DOP1B: variants seen among roughly 807,000 people sequenced by gnomAD.
DOP1B encodes the protein DOP1 leucine zipper like protein B.
A neutral mutation model predicts 233.5 loss-of-function variants in DOP1B; 174 were observed. That is an observed-to-expected ratio of 0.75 (90% CI 0.66 to 0.85). The LOEUF (loss-of-function observed/expected upper bound fraction) is 0.85, where lower values mean the gene tolerates loss of function less well. Ranked by LOEUF, DOP1B falls within the 40% of genes least tolerant of loss-of-function variation. DOP1B has a pLI of 0.00. For missense variants in DOP1B, 2,652 were observed against 2,846.6 expected (o/e 0.93, Z 1.56); for synonymous variants, 1,190 against 1,185.6 (o/e 1.00, Z -0.08).
intron 26 of DOP1B, among the ~76,000 whole-genome samples, chr21:36,266,476 C>T (rs1243791992): frequency 6.6e-6 from 1 of 152,104 alleles, no homozygotes; most frequent in Non-Finnish European, 1.5e-5. Flanking sequence ...ACCCGGCTGA[C>T]CAGTTTATTA....
intron 2 of DOP1B, among the ~76,000 whole-genome samples, chr21:36,180,660 C>T (rs566847887): frequency 1.3e-5 from 2 of 152,176 alleles, no homozygotes; most frequent in South Asian, 4.1e-4. Context: ...GCGGGGGGAT[C>T]ACCTGAGGTC....
chr21:36,277,248 T>A (rs1045629201), intron 28 of DOP1B, 148 bp downstream of exon 28: 3 of 737,284 alleles, frequency 4.1e-6, no homozygotes, highest in Middle Eastern at 2.5e-4. Context: ...GGCCTCAAGC[T>A]GCACCATGGA....
chr21:36,210,143 C>T (rs2066478436), intron 5 of DOP1B, among the ~76,000 whole-genome samples: 1 of 149,212 alleles, frequency 6.7e-6, no homozygotes, highest in South Asian at 2.1e-4. Flanking sequence ...CTTCCCATCC[C>T]AAATCTGCTA....
At chr21:36,278,439 A>T in intron 30 of DOP1B, 84 bp downstream of exon 30, 1 of 1,450,622 alleles carries the variant, frequency 6.9e-7, no homozygotes, top group Non-Finnish European at 9.3e-7. Flanking sequence ...TCATTCCTGA[A>T]ATAGAAGCAG....
intron 35 of DOP1B, among the ~76,000 whole-genome samples, chr21:36,289,420 C>G (rs2067529829): frequency 8.0e-6 from 1 of 124,302 alleles, no homozygotes; most frequent in African/African-American, 2.8e-5. Context: ...GAATGTGTTT[C>G]TATGGTGTGT....
chr21:36,227,773 A>G lies in DOP1B; in HGVS notation c.1561A>G (p.Ser521Gly), dbSNP rs745422738. ...TCTTGCTGAGGACATGGAGGCCTTA[A>G]GTTTACCTGAACTCACGCATGCCTT... ...QPLAEDMEAL[S>G]LPELTHALKT... The change falls in exon 13 of 37, where the codon AGT (serine) becomes GGT (glycine). Residue 521 changes from serine to glycine, a missense_variant. Physicochemically the swap from Ser to Gly is moderately conservative, Grantham distance 56. This residue lies in a region of DOP1B where 2,617 missense variants were observed against 2,794.3 expected (regional missense o/e 0.94). Coordinates refer to ENST00000691173, the MANE Select transcript of DOP1B (RefSeq NM_001320714.2). 1.4e-5 allele frequency: 22 copies of G among 1,613,674 alleles called. No homozygotes were observed. Among genetic ancestry groups the G allele is most frequent in the Non-Finnish European group, 1.8e-5 (21 of 1,179,684 alleles).
intron 12 of DOP1B, among the ~76,000 whole-genome samples, chr21:36,227,064 C>T (rs183260849): frequency 1.1e-3 from 172 of 150,404 alleles, no homozygotes; most frequent in African/African-American, 1.9e-3. Context: ...AAAAGTTAGC[C>T]GGGTGTGGTG....
At chr21:36,270,547 C>T (rs1249707443) in intron 27 of DOP1B, among the ~76,000 whole-genome samples, 2 of 83,826 alleles carry the variant, frequency 2.4e-5, no homozygotes, top group African/African-American at 9.4e-5. Flanking sequence ...AGCAAGACTC[C>T]GTCTCAAAAA....
intron 2 of DOP1B, among the ~76,000 whole-genome samples, chr21:36,166,290 A>G (rs71330657): frequency 0.043 from 6,572 of 151,924 alleles, 189 homozygotes; most frequent in Non-Finnish European, 0.064. Flanking sequence ...CAAAAAAATT[A>G]GCCGGGCGTG....
intron 5 of DOP1B, among the ~76,000 whole-genome samples, chr21:36,211,280 G>A (rs541492733): frequency 6.6e-6 from 1 of 152,288 alleles, no homozygotes; most frequent in East Asian, 1.9e-4. Flanking sequence ...TCCTTTCTGG[G>A]ATCGTAGAAT....
intron 27 of DOP1B, among the ~76,000 whole-genome samples, chr21:36,272,723 G>A (rs1353000811): frequency 2.0e-5 from 3 of 149,586 alleles, no homozygotes; most frequent in Non-Finnish European, 4.4e-5. Flanking sequence ...GGTGGCTCAC[G>A]CCTGTAATCC....
intron 11 of DOP1B, among the ~76,000 whole-genome samples, chr21:36,224,669 AG>A (rs1169292412): frequency 6.6e-6 from 1 of 150,676 alleles, no homozygotes; most frequent in African/African-American, 2.4e-5. Flanking sequence ...TATTCATCCC[AG>A]GGTTATGAGA....
intron 2 of DOP1B, among the ~76,000 whole-genome samples, chr21:36,185,594 G>A (rs573939393): frequency 3.7e-4 from 57 of 152,292 alleles, no homozygotes; most frequent in African/African-American, 1.3e-3. Flanking sequence ...GTCGGCCAGC[G>A]CCTTGTGAAG....
At chr21:36,219,602 T>TGC in intron 10 of DOP1B, 110 bp downstream of exon 10, 1 of 1,449,266 alleles carries the variant, frequency 6.9e-7, no homozygotes, top group Non-Finnish European at 9.3e-7. Context: ...AAAGCAGAGA[T>TGC]GCAGCAGGTG....
At chr21:36,269,839 ATTTAAC>A (rs1390746678) in intron 26 of DOP1B, among the ~76,000 whole-genome samples, 168 bp from the exon 27 acceptor site, 1 of 152,138 alleles carries the variant, frequency 6.6e-6, no homozygotes, top group Non-Finnish European at 1.5e-5. Context: ...TATATTATTA[ATTTAAC>A]TTTAACTGTT....
rs188686808 is a variant in DOP1B, at chr21:36,184,995, G to T, written c.139-14075G>T. On this transcript the variant is annotated intron_variant, in intron 2 of 36. Coordinates refer to ENST00000691173, the MANE Select transcript of DOP1B (RefSeq NM_001320714.2). ...TATTGAGTTCTACCAGTAGAACTTT[G>T]GGGACTGAAACCTGTTGAGGATTTG... Among the ~76,000 whole-genome samples the T allele has an allele frequency of 4.7e-3, 709 of 152,234 alleles. 4 individuals carry two copies. Among genetic ancestry groups the T allele is most frequent in the African/African-American group, 0.016 (647 of 41,536 alleles).
At position 36,208,859 on chromosome 21, in the gene DOP1B, C is replaced by G; in HGVS notation, c.636C>G (p.Pro212=). Reference sequence around the variant, plus strand: ...TGGGCCACATCAACAGGGATGCCCCCGGCCGGGAGCAGAAGTACATGCTGG... The same window carrying G: ...TGGGCCACATCAACAGGGATGCCCCGGGCCGGGAGCAGAAGTACATGCTGG... ...FVVGHINRDA[P]GREQKYMLGT... The change falls in exon 5 of 37, where the codon CCC becomes CCG. Residue 212 remains proline (P), a synonymous_variant. Coordinates refer to ENST00000691173, the MANE Select transcript of DOP1B (RefSeq NM_001320714.2). The G allele has an allele frequency of 1.3e-6, 2 of 1,569,566 alleles. No individual in the cohort carries two copies. The highest frequency in any genetic ancestry group is 3.6e-5 in the Admixed American group (2 of 55,366).
At chr21:36,202,096 G>A (rs575542169) in intron 4 of DOP1B, among the ~76,000 whole-genome samples, 1 of 152,044 alleles carries the variant, frequency 6.6e-6, no homozygotes, top group South Asian at 2.1e-4. Flanking sequence ...CTGAGGCAGG[G>A]GAATAGCTTG....
intron 2 of DOP1B, among the ~76,000 whole-genome samples, chr21:36,176,696 G>C (rs931803939): frequency 6.6e-6 from 1 of 152,236 alleles, no homozygotes; most frequent in Admixed American, 6.5e-5. Flanking sequence ...CGTTAAACTA[G>C]ATCCTGTACC....
Sources: gnomAD v4.1 joint callset for allele counts (sites outside exome capture counted in the v4.1 genomes callset) on GRCh38, gnomAD v4.1.1 for gene constraint, gnomAD v4.1.1 regional missense constraint, MANE v1.5 for transcripts, NCBI Gene and HGNC (gene_info 2026-07-23, HGNC 2026-07-21) for gene names.